The following EHBP1 variants were observed in gnomAD, a reference collection of about 807,000 sequenced individuals.
The protein encoded by EHBP1 is EH domain binding protein 1.
In EHBP1, 55 loss-of-function variants were observed where a neutral mutation model predicts 144.0. That is an observed-to-expected ratio of 0.38 (90% confidence interval 0.31 to 0.48). The LOEUF (loss-of-function observed/expected upper bound fraction) is 0.48, where lower values mean the gene tolerates loss of function less well. Among genes scored for constraint, EHBP1 ranks in the 20% least tolerant of loss-of-function variants. The pLI is 0.98. For missense variants in EHBP1, 1,200 were observed against 1,364.2 expected (o/e 0.88, Z 1.90); for synonymous variants, 469 against 472.7 (o/e 0.99, Z 0.10).
chr2:62,990,705 A>G lies in EHBP1; in HGVS notation c.2609-11A>G. On this transcript the variant is annotated splice_polypyrimidine_tract_variant and intron_variant, in intron 15 of 22. Transcript: ENST00000431489. ...TCACTCAGTTATTCATGGTATTTGC[A>G]TATTTAACAGAACAAAACAGTAAGT... 1.2e-6 allele frequency: 2 copies of G among 1,613,232 alleles called. No homozygotes were observed. Among genetic ancestry groups the G allele is most frequent in the Non-Finnish European group, 1.7e-6 (2 of 1,179,498 alleles).
chr2:62,772,697 A>C (rs1216142194), intron 5 of EHBP1, among the ~76,000 whole-genome samples: 1 of 152,230 alleles, frequency 6.6e-6, no homozygotes, highest in Non-Finnish European at 1.5e-5. Flanking sequence ...TTTTCAGTGA[A>C]TATTAGCTTT....
At chr2:62,846,512 C>T (rs191985529) in intron 7 of EHBP1, among the ~76,000 whole-genome samples, 108 of 152,258 alleles carry the variant, frequency 7.1e-4, no homozygotes, top group African/African-American at 2.5e-3. Context: ...AAAGGACATT[C>T]ATGAACAGCT....
chr2:62,969,673 G>A (rs145605474), intron 14 of EHBP1, among the ~76,000 whole-genome samples: 1 of 152,088 alleles, frequency 6.6e-6, no homozygotes, highest in African/African-American at 2.4e-5. Context: ...AATCCCCAGG[G>A]TTGATCAAAG....
At chr2:62,940,972 C>G (rs1298225899) in intron 10 of EHBP1, among the ~76,000 whole-genome samples, 1 of 152,048 alleles carries the variant, frequency 6.6e-6, no homozygotes, top group African/African-American at 2.4e-5. Context: ...TATACATTAC[C>G]TATGGACATG....
intron 1 of EHBP1, among the ~76,000 whole-genome samples, chr2:62,678,335 A>T (rs537389859): frequency 6.6e-6 from 1 of 152,218 alleles, no homozygotes. Context: ...GGATTATTAG[A>T]CTTTTTCCTA....
chr2:62,811,281 G>A (rs533385025), intron 5 of EHBP1, among the ~76,000 whole-genome samples: 1 of 152,284 alleles, frequency 6.6e-6, no homozygotes, highest in African/African-American at 2.4e-5. Context: ...TGGCATGTCT[G>A]CTTCAGCATT....
chr2:62,802,853 T>C (rs2044127566), intron 5 of EHBP1, among the ~76,000 whole-genome samples: 1 of 150,394 alleles, frequency 6.6e-6, no homozygotes, highest in South Asian at 2.1e-4. Flanking sequence ...ACCTCCCCAA[T>C]AGCTGGGATT....
intron 10 of EHBP1, among the ~76,000 whole-genome samples, chr2:62,906,702 A>G (rs539977178): frequency 1.3e-5 from 2 of 152,312 alleles, no homozygotes; most frequent in Non-Finnish European, 2.9e-5. Flanking sequence ...CAATATCACA[A>G]CCAGGATATT....
At chr2:62,883,094 A>G (rs2051612872) in intron 10 of EHBP1, among the ~76,000 whole-genome samples, 1 of 151,832 alleles carries the variant, frequency 6.6e-6, no homozygotes, top group Non-Finnish European at 1.5e-5. Context: ...GAGAAACTGA[A>G]CCTTGGATAA....
At chr2:62,804,815 G>A (rs1200000029) in intron 5 of EHBP1, among the ~76,000 whole-genome samples, 1 of 152,212 alleles carries the variant, frequency 6.6e-6, no homozygotes, top group East Asian at 1.9e-4. Flanking sequence ...TGTCAAATCA[G>A]TGGTGGCATT....
Position 62,826,301 on chromosome 2 carries a change from AT to A in EHBP1, c.494+35del, listed in dbSNP as rs752938798. 4.6e-5 allele frequency: 71 copies of A among 1,551,192 alleles called. 1 individual carries two copies. The highest frequency in any genetic ancestry group is 1.7e-4 in the Middle Eastern group (1 of 5,774). Reference sequence around the variant, plus strand: ...TCTTTTGTCAAATAAGCTTCCTTACATTGTGTTTCAGTACACCATAGCTTTT... The same window carrying A: ...TCTTTTGTCAAATAAGCTTCCTTACATGTGTTTCAGTACACCATAGCTTTT... On this transcript the variant is annotated intron_variant, in intron 6 of 22. Coordinates refer to ENST00000431489, the MANE Select transcript of EHBP1 (RefSeq NM_001142616.3).
At chr2:62,827,491 C>G (rs950251970) in intron 6 of EHBP1, among the ~76,000 whole-genome samples, 2 of 152,120 alleles carry the variant, frequency 1.3e-5, no homozygotes, top group African/African-American at 2.4e-5. Flanking sequence ...TCACGGGAAT[C>G]TGGGTGAGAG....
chr2:62,916,458 T>TG (rs1387793364), intron 10 of EHBP1, among the ~76,000 whole-genome samples: 1 of 151,670 alleles, frequency 6.6e-6, no homozygotes, highest in Non-Finnish European at 1.5e-5. Context: ...ACAGGCATGG[T>TG]GGTGCACGCC....
At chr2:62,692,555 T>C (rs1470477089) in intron 1 of EHBP1, among the ~76,000 whole-genome samples, 1 of 152,228 alleles carries the variant, frequency 6.6e-6, no homozygotes, top group African/African-American at 2.4e-5. Flanking sequence ...TGTCTGTCTT[T>C]GATCTTAAAC....
At chr2:62,826,829 A>T (rs2046376053) in intron 6 of EHBP1, among the ~76,000 whole-genome samples, 1 of 152,310 alleles carries the variant, frequency 6.6e-6, no homozygotes, top group East Asian at 1.9e-4. Flanking sequence ...CTAGTCTCTT[A>T]TAAGAGTAAA....
Position 63,018,454 on chromosome 2 carries a change from T to C in EHBP1, c.3104-19081T>C, listed in dbSNP as rs556094975. ...GCACTAGCACTTAATTGTTGAATCA[T>C]TCTGGTTCATGCGATAGGTTCTGGA... On this transcript the variant is annotated intron_variant, in intron 19 of 22. Coordinates refer to ENST00000431489, the MANE Select transcript of EHBP1 (RefSeq NM_001142616.3). 1.1e-4 allele frequency among the ~76,000 whole-genome samples: 17 copies of C among 152,352 alleles called. No individual in the cohort carries two copies. The East Asian group carries it at 3.3e-3, about 29-fold the overall frequency.
At chr2:62,694,792 A>G (rs188151722) in intron 1 of EHBP1, among the ~76,000 whole-genome samples, 2 of 152,096 alleles carry the variant, frequency 1.3e-5, no homozygotes, top group South Asian at 4.1e-4. Context: ...TTTTTCTTCG[A>G]CTTGCTCCAG....
intron 10 of EHBP1, among the ~76,000 whole-genome samples, chr2:62,914,634 T>A (rs1194537818): frequency 6.6e-6 from 1 of 151,964 alleles, no homozygotes; most frequent in Non-Finnish European, 1.5e-5. Flanking sequence ...GGGAAAGGAT[T>A]GGGAGTAAGC....
intron 5 of EHBP1, among the ~76,000 whole-genome samples, chr2:62,787,968 G>C (rs1162637712): frequency 6.8e-6 from 1 of 146,846 alleles, no homozygotes; most frequent in Non-Finnish European, 1.5e-5. Context: ...TGGGGGAATG[G>C]AGTAGGATGG....
Sources: gnomAD v4.1 joint callset for allele counts (sites outside exome capture counted in the v4.1 genomes callset) on GRCh38, gnomAD v4.1.1 for gene constraint, MANE v1.5 for transcripts, NCBI Gene and HGNC (gene_info 2026-07-23, HGNC 2026-07-21) for gene names.